Variants in KCNB2 observed in about 807,000 individuals in gnomAD.
The protein encoded by KCNB2 is potassium voltage-gated channel subfamily B member 2.
In KCNB2, 15 loss-of-function variants were observed where a neutral mutation model predicts 61.5. The observed-to-expected ratio is 0.24, with a 90% CI of 0.16 to 0.38. The LOEUF (loss-of-function observed/expected upper bound fraction) is 0.38. Ranked by LOEUF, KCNB2 falls within the 10% of genes least tolerant of loss-of-function variation. KCNB2 has a pLI of 1.00. For missense variants in KCNB2, 828 were observed against 1,125.2 expected, an observed-to-expected ratio of 0.74 and a Z score of 3.78; for synonymous variants, 457 against 446.0, an observed-to-expected ratio of 1.02 and a Z score of -0.31.
intron 2 of KCNB2, among the ~76,000 whole-genome samples, chr8:72,599,690 C>T (rs1344329740): frequency 1.3e-5 from 2 of 152,054 alleles, no homozygotes; most frequent in East Asian, 1.9e-4. Context: ...TTTTTGCAAC[C>T]TCCTCATCAG....
chr8:72,903,386 T>C (rs990947518), intron 2 of KCNB2, among the ~76,000 whole-genome samples: 5 of 152,278 alleles, frequency 3.3e-5, no homozygotes, highest in South Asian at 2.1e-4. Flanking sequence ...GGGGCATTTG[T>C]GCTCCAACTC....
chr8:72,635,765 G>T (rs1361277691), intron 2 of KCNB2, among the ~76,000 whole-genome samples: 2 of 152,164 alleles, frequency 1.3e-5, no homozygotes, highest in African/African-American at 2.4e-5. Flanking sequence ...TGTCAACAAA[G>T]AATTCAAAGT....
chr8:72,846,549 C>G lies in KCNB2; in HGVS notation c.580-89386C>G, dbSNP rs1809997125. Among the ~76,000 whole-genome samples, 6 of 72,330 alleles carry G rather than the reference C, an allele frequency of 8.3e-5. No homozygotes were observed. The South Asian group carries it at 3.0e-3, about 36-fold the overall frequency. The allele number at this position is 72,330 out of a possible 152,430, so 47.5% of individuals were successfully genotyped here. On this transcript the variant is annotated intron_variant, in intron 2 of 2. Coordinates refer to ENST00000523207, the MANE Select transcript of KCNB2 (RefSeq NM_004770.3). ...CTAATATCCAGAATCAACAAATAAACAAATTTACAAAAAAAAAGAAAAAAA... is the reference window on the plus strand; with the variant it reads ...CTAATATCCAGAATCAACAAATAAAGAAATTTACAAAAAAAAAGAAAAAAA...
At chr8:72,854,306 T>A (rs1483834116) in intron 2 of KCNB2, among the ~76,000 whole-genome samples, 1 of 152,192 alleles carries the variant, frequency 6.6e-6, no homozygotes, top group Non-Finnish European at 1.5e-5. Flanking sequence ...TCTGAGATAA[T>A]ACACAGGTAT....
intron 1 of KCNB2, among the ~76,000 whole-genome samples, chr8:72,564,638 T>C (rs1057340490): frequency 1.3e-5 from 2 of 152,142 alleles, no homozygotes; most frequent in African/African-American, 4.8e-5. Context: ...ATTTTTAACA[T>C]ATATATATAG....
chr8:72,837,526 A>G (rs1210747203), intron 2 of KCNB2, among the ~76,000 whole-genome samples: 1 of 152,224 alleles, frequency 6.6e-6, no homozygotes, highest in Admixed American at 6.5e-5. Flanking sequence ...TTACTTCTCA[A>G]TCTTCTCTGG....
rs569419225 is a variant in KCNB2 at position 72,689,104 on chromosome 8, ATAGATGGAAG to A, written c.579+120797_579+120806del. Among the ~76,000 whole-genome samples, 20 of 152,324 alleles carry A rather than the reference ATAGATGGAAG, an allele frequency of 1.3e-4. No individual in the cohort carries two copies. The South Asian group carries it at 3.5e-3, about 27-fold the overall frequency. Reference sequence around the variant, plus strand: ...TATTGAGGAAGGATAAATAAATGGTATAGATGGAAGTAGATATAAATGGAGATAGAGAGAG... The same window carrying A: ...TATTGAGGAAGGATAAATAAATGGTATAGATATAAATGGAGATAGAGAGAG... On this transcript the variant is annotated intron_variant, in intron 2 of 2. Coordinates refer to ENST00000523207, the MANE Select transcript of KCNB2 (RefSeq NM_004770.3).
chr8:72,930,012 A>G (rs1473901736), intron 2 of KCNB2, among the ~76,000 whole-genome samples: 1 of 130,858 alleles, frequency 7.6e-6, no homozygotes, highest in Non-Finnish European at 1.5e-5. Context: ...CTGTGTTCTC[A>G]TTGTTCAATT....
At chr8:72,599,899 A>G (rs1452034958) in intron 2 of KCNB2, among the ~76,000 whole-genome samples, 2 of 152,252 alleles carry the variant, frequency 1.3e-5, no homozygotes, top group African/African-American at 2.4e-5. Context: ...ACAATGAGAT[A>G]CCATCTCACA....
At chr8:72,809,176 T>A (rs12156399) in intron 2 of KCNB2, among the ~76,000 whole-genome samples, 45,317 of 151,960 alleles carry the variant, frequency 0.3, 7,124 homozygotes, top group South Asian at 0.51. Flanking sequence ...AGTAAGGTAC[T>A]CTCCTGTGTT....
chr8:72,582,201 A>G (rs897178269), intron 2 of KCNB2, among the ~76,000 whole-genome samples: 9 of 152,214 alleles, frequency 5.9e-5, no homozygotes, highest in Non-Finnish European at 8.8e-5. Context: ...GCATCCCCCA[A>G]GGCTCAGGAA....
chr8:72,559,471 A>G (rs918106256), intron 1 of KCNB2, among the ~76,000 whole-genome samples: 1 of 152,120 alleles, frequency 6.6e-6, no homozygotes, highest in African/African-American at 2.4e-5. Flanking sequence ...CCTGAGAGCC[A>G]GGAAGCCGTG....
chr8:72,614,695 T>C (rs930297137), intron 2 of KCNB2, among the ~76,000 whole-genome samples: 1 of 152,192 alleles, frequency 6.6e-6, no homozygotes, highest in Non-Finnish European at 1.5e-5. Context: ...TGTCATCTTG[T>C]GGCTAGGTGC....
At chr8:72,693,533 G>C (rs1188428229) in intron 2 of KCNB2, among the ~76,000 whole-genome samples, 1 of 152,064 alleles carries the variant, frequency 6.6e-6, no homozygotes, top group African/African-American at 2.4e-5. Context: ...CAAGCTCTGT[G>C]TTCTAAAAAA....
intron 2 of KCNB2, among the ~76,000 whole-genome samples, chr8:72,864,908 G>A (rs745586331): frequency 6.6e-6 from 1 of 152,146 alleles, no homozygotes; most frequent in Non-Finnish European, 1.5e-5. Context: ...GTGCGAGAAG[G>A]AATCAGAACC....
chr8:72,898,147 G>A (rs1198788895), intron 2 of KCNB2, among the ~76,000 whole-genome samples: 3 of 152,030 alleles, frequency 2.0e-5, no homozygotes, highest in Admixed American at 2.0e-4. Flanking sequence ...TGTCTAACAA[G>A]GACTGACATA....
intron 2 of KCNB2, among the ~76,000 whole-genome samples, chr8:72,855,675 G>T (rs947111628): frequency 6.6e-6 from 1 of 151,970 alleles, no homozygotes; most frequent in Non-Finnish European, 1.5e-5. Flanking sequence ...TATAGCTTCT[G>T]GTAAACAAAA....
chr8:72,718,511 G>T (rs954395829), intron 2 of KCNB2, among the ~76,000 whole-genome samples: 4 of 152,140 alleles, frequency 2.6e-5, no homozygotes, highest in African/African-American at 9.7e-5. Flanking sequence ...CATCTCTTTT[G>T]TAGGGACATG....
intron 1 of KCNB2, among the ~76,000 whole-genome samples, chr8:72,559,851 A>G (rs1806486021): frequency 6.6e-6 from 1 of 152,330 alleles, no homozygotes; most frequent in African/African-American, 2.4e-5. Context: ...ACTTGTGTAT[A>G]GACAACTAGA....
Sources: allele counts gnomAD v4.1 joint callset (sites outside exome capture counted in the v4.1 genomes callset), GRCh38; gene constraint gnomAD v4.1.1; transcripts MANE v1.5; gene names NCBI Gene and HGNC (gene_info 2026-07-23, HGNC 2026-07-21).